RBFOX1: variants seen among roughly 807,000 people sequenced by gnomAD.
RBFOX1 encodes RNA binding protein fox-1 homolog 1.
In RBFOX1, 8 loss-of-function variants were observed where a neutral mutation model predicts 57.7. That is an observed-to-expected ratio of 0.14 (90% CI 0.08 to 0.25). RBFOX1 has a LOEUF of 0.25. RBFOX1 is among the 10% of genes least tolerant of loss of function. The pLI is 1.00. For synonymous variants in RBFOX1, 326 were observed against 222.4 expected, an observed-to-expected ratio of 1.47 and a Z score of -4.15; for missense variants, 611 against 548.5, an observed-to-expected ratio of 1.11 and a Z score of -1.14.
At chr16:5,390,916 G>C (rs1029189744) in intron 1 of RBFOX1, among the ~76,000 whole-genome samples, 20 of 152,304 alleles carry the variant, frequency 1.3e-4, no homozygotes, top group African/African-American at 4.8e-4. Flanking sequence ...CTTGGAGAGG[G>C]AAGACTAGAT....
At chr16:6,558,923 A>G (rs1235676122) in intron 2 of RBFOX1, among the ~76,000 whole-genome samples, 1 of 151,934 alleles carries the variant, frequency 6.6e-6, no homozygotes, top group African/African-American at 2.4e-5. Flanking sequence ...CTCCTGCCTC[A>G]CCACAACCTT....
chr16:6,725,138 C>A (rs545876450), intron 3 of RBFOX1, among the ~76,000 whole-genome samples: 1 of 147,174 alleles, frequency 6.8e-6, no homozygotes, highest in African/African-American at 2.5e-5. Context: ...GCAAGCTCTG[C>A]GTCCCGGGTT....
At chr16:7,602,807 C>G (rs1383810732) in intron 9 of RBFOX1, among the ~76,000 whole-genome samples, 1 of 152,164 alleles carries the variant, frequency 6.6e-6, no homozygotes, top group East Asian at 1.9e-4. Context: ...ACACACGGAA[C>G]ATTGTCCAGG....
chr16:6,574,177 G>T (rs1043917571), intron 2 of RBFOX1, among the ~76,000 whole-genome samples: 3 of 152,086 alleles, frequency 2.0e-5, no homozygotes, highest in African/African-American at 7.2e-5. Context: ...TGGTGGGACC[G>T]TGGGTGAGTC....
intron 1 of RBFOX1, among the ~76,000 whole-genome samples, chr16:6,054,539 C>T (rs1321403442): frequency 6.6e-6 from 1 of 152,054 alleles, no homozygotes; most frequent in East Asian, 1.9e-4. Context: ...AGATCTGTCT[C>T]CTGAAAGATA....
In RBFOX1 at chr16:7,669,719, A is replaced by G. The variant is rs537752515; in HGVS notation, c.930+4751A>G. Among the ~76,000 whole-genome samples, 5 of 152,276 alleles carry G rather than the reference A, an allele frequency of 3.3e-5. 1 individual carries two copies. Among genetic ancestry groups the G allele is most frequent in the African/African-American group, 1.2e-4 (5 of 41,556 alleles). The stretch of plus-strand genomic sequence containing the variant: ...ACAAAGAGGTATCCTCATTTCACTG[A>G]TGTTTAAACTCAGGAATGAGATGTG... On this transcript the variant is annotated intron_variant, in intron 13 of 15. Transcript: ENST00000550418.
intron 4 of RBFOX1, among the ~76,000 whole-genome samples, chr16:7,144,367 C>T (rs1482391007): frequency 6.6e-6 from 1 of 151,750 alleles, no homozygotes; most frequent in Non-Finnish European, 1.5e-5. Flanking sequence ...GGACACTATC[C>T]ATGGCCACCC....
rs534790555 is a variant in RBFOX1, at chr16:7,067,551, A to G, written c.27+15453A>G. 4.0e-5 allele frequency among the ~76,000 whole-genome samples: 6 copies of G among 150,092 alleles called. No homozygotes were observed. In the South Asian group the frequency reaches 6.3e-4, roughly 16 times the overall value. ...TTTTGTTTTCTTTTTTTATTTTATT[A>G]TATTTTAAGTTTTAGGGTACATGTG... On this transcript the variant is annotated intron_variant, in intron 4 of 15. Coordinates refer to ENST00000550418, the MANE Select transcript of RBFOX1 (RefSeq NM_018723.4).
At chr16:6,666,949 GAC>G (rs1452303349) in intron 3 of RBFOX1, among the ~76,000 whole-genome samples, 11 of 152,182 alleles carry the variant, frequency 7.2e-5, no homozygotes, top group African/African-American at 2.4e-4. Context: ...CAGCACAGCT[GAC>G]AGTTATTTTT....
chr16:6,270,306 A>G (rs1378489774), intron 1 of RBFOX1, among the ~76,000 whole-genome samples: 4 of 152,168 alleles, frequency 2.6e-5, no homozygotes, highest in Non-Finnish European at 4.4e-5. Flanking sequence ...ATTAAAGTAT[A>G]CAACCTAACT....
chr16:7,479,047 C>G (rs1431753515), intron 4 of RBFOX1, among the ~76,000 whole-genome samples: 1 of 151,596 alleles, frequency 6.6e-6, no homozygotes, highest in Non-Finnish European at 1.5e-5. Flanking sequence ...AATCCACAAA[C>G]AGGAAAGTGG....
At chr16:6,748,560 G>A (rs911951876) in intron 3 of RBFOX1, among the ~76,000 whole-genome samples, 1 of 152,142 alleles carries the variant, frequency 6.6e-6, no homozygotes, top group Non-Finnish European at 1.5e-5. Flanking sequence ...CAGCTTGGGA[G>A]GCTGAAGTGG....
chr16:6,214,764 GGA>G (rs371110444), intron 1 of RBFOX1, among the ~76,000 whole-genome samples: 19 of 96,620 alleles, frequency 2.0e-4, no homozygotes, highest in South Asian at 4.8e-4. Context: ...GGAGAGAGAA[GGA>G]GAGAGAGAGA....
intron 2 of RBFOX1, among the ~76,000 whole-genome samples, chr16:6,552,611 A>G (rs1164531708): frequency 6.6e-6 from 1 of 152,218 alleles, no homozygotes; most frequent in Non-Finnish European, 1.5e-5. Context: ...GGTTTGATTC[A>G]TCATTCTTTT....
chr16:6,877,360 A>G (rs1258337786), intron 3 of RBFOX1, among the ~76,000 whole-genome samples: 1 of 152,208 alleles, frequency 6.6e-6, no homozygotes, highest in Non-Finnish European at 1.5e-5. Flanking sequence ...GAACACAAAA[A>G]TGTAATTCTC....
intron 4 of RBFOX1, among the ~76,000 whole-genome samples, chr16:7,341,553 C>G (rs972368575): frequency 6.6e-6 from 1 of 152,062 alleles, no homozygotes. Flanking sequence ...CCCCACTGAC[C>G]GACTCAGTAT....
chr16:6,281,639 T>A (rs886773909), intron 1 of RBFOX1, among the ~76,000 whole-genome samples: 4 of 152,094 alleles, frequency 2.6e-5, no homozygotes, highest in Non-Finnish European at 5.9e-5. Context: ...GTGGCGGTGG[T>A]GTTGGTAGTA....
At chr16:7,599,637 A>ATTTT (rs1568025531) in intron 9 of RBFOX1, among the ~76,000 whole-genome samples, 6 of 44,620 alleles carry the variant, frequency 1.3e-4, no homozygotes, top group South Asian at 7.7e-4. Flanking sequence ...ATTAATAAAG[A>ATTTT]CTTTTTTTTT....
chr16:6,809,183 T>C (rs931341764), intron 3 of RBFOX1, among the ~76,000 whole-genome samples: 5 of 152,212 alleles, frequency 3.3e-5, no homozygotes, highest in Admixed American at 6.5e-5. Flanking sequence ...CCTTTTTCTG[T>C]CTATGAATTT....
Sources: allele counts gnomAD v4.1 joint callset (sites outside exome capture counted in the v4.1 genomes callset), GRCh38; gene constraint gnomAD v4.1.1; transcripts MANE v1.5; gene names NCBI Gene and HGNC (gene_info 2026-07-23, HGNC 2026-07-21).